The following RBFOX1 variants were observed in gnomAD, a reference collection of about 807,000 sequenced individuals.
RBFOX1 encodes the protein RNA binding protein fox-1 homolog 1.
RBFOX1 carries 8 observed loss-of-function variants against 57.7 expected under a neutral mutation model. That is an observed-to-expected ratio of 0.14 (90% confidence interval 0.08 to 0.25). The LOEUF (loss-of-function observed/expected upper bound fraction) is 0.25. Among genes scored for constraint, RBFOX1 ranks in the 10% least tolerant of loss-of-function variants. RBFOX1 has a pLI of 1.00. For missense variants in RBFOX1, 611 were observed against 548.5 expected, an observed-to-expected ratio of 1.11 and a Z score of -1.14; for synonymous variants, 326 against 222.4, an observed-to-expected ratio of 1.47 and a Z score of -4.15.
chr16:6,048,379 C>T (rs1407958810), intron 1 of RBFOX1, among the ~76,000 whole-genome samples: 1 of 152,288 alleles, frequency 6.6e-6, no homozygotes, highest in African/African-American at 2.4e-5. Flanking sequence ...CTTCAAGAAT[C>T]TCTCATAAAG....
At chr16:5,985,476 T>C (rs1404270659) in intron 4 of RBFOX1, among the ~76,000 whole-genome samples, 2 of 152,132 alleles carry the variant, frequency 1.3e-5, no homozygotes, top group Non-Finnish European at 2.9e-5. Context: ...AGTTAAGTGA[T>C]GGGCCCAAAG....
At chr16:6,551,052 G>A (rs555210366) in intron 2 of RBFOX1, among the ~76,000 whole-genome samples, 79 of 152,236 alleles carry the variant, frequency 5.2e-4, no homozygotes, top group South Asian at 1.9e-3. Context: ...TCTCTTGGGG[G>A]CCCCAGGAAT....
At chr16:7,155,463 G>T (rs1414973505) in intron 4 of RBFOX1, among the ~76,000 whole-genome samples, 2 of 151,484 alleles carry the variant, frequency 1.3e-5, no homozygotes, top group African/African-American at 2.4e-5. Context: ...AGGCATGGTG[G>T]TATGCACTTG....
chr16:7,063,171 C>G (rs2055013934), intron 4 of RBFOX1, among the ~76,000 whole-genome samples: 1 of 151,926 alleles, frequency 6.6e-6, no homozygotes. Flanking sequence ...GGGCTAGATG[C>G]TTACCTGAAT....
chr16:5,976,027 C>G (rs542114468), intron 4 of RBFOX1, among the ~76,000 whole-genome samples: 52 of 152,086 alleles, frequency 3.4e-4, no homozygotes, highest in African/African-American at 1.2e-3. Context: ...ACCTGTAGTC[C>G]TAGCCACTCA....
intron 4 of RBFOX1, among the ~76,000 whole-genome samples, chr16:7,420,294 C>T (rs565850502): frequency 6.6e-6 from 1 of 152,204 alleles, no homozygotes; most frequent in South Asian, 2.1e-4. Context: ...GCCCTTGCCT[C>T]CCAAACATGA....
intron 1 of RBFOX1, among the ~76,000 whole-genome samples, chr16:6,107,589 A>G (rs922267009): frequency 1.3e-4 from 20 of 152,036 alleles, no homozygotes; most frequent in Non-Finnish European, 2.8e-4. Flanking sequence ...GGATTAATAC[A>G]TGTATGGATG....
At chr16:6,305,164 A>G (rs1371081190) in intron 1 of RBFOX1, among the ~76,000 whole-genome samples, 1 of 152,196 alleles carries the variant, frequency 6.6e-6, no homozygotes, top group African/African-American at 2.4e-5. Context: ...AGTCATAAGC[A>G]TGTGATGTCT....
chr16:5,315,251 G>A (rs968962872), intron 1 of RBFOX1, among the ~76,000 whole-genome samples: 19 of 152,194 alleles, frequency 1.2e-4, no homozygotes, highest in Non-Finnish European at 2.8e-4. Context: ...TGTGGGACGG[G>A]GGAGGAGGCC....
At chr16:6,032,149 C>T (rs116902999) in intron 1 of RBFOX1, among the ~76,000 whole-genome samples, 1 of 152,058 alleles carries the variant, frequency 6.6e-6, no homozygotes, top group African/African-American at 2.4e-5. Flanking sequence ...TCCGTGCTTT[C>T]AATTCTGCTG....
chr16:7,401,996 T>G (rs971053262), intron 4 of RBFOX1, among the ~76,000 whole-genome samples: 1 of 152,228 alleles, frequency 6.6e-6, no homozygotes, highest in Non-Finnish European at 1.5e-5. Flanking sequence ...GATGTTCTTT[T>G]CCTTCCCTTT....
chr16:7,642,928 G>C (rs2063087623), intron 11 of RBFOX1, among the ~76,000 whole-genome samples: 1 of 152,158 alleles, frequency 6.6e-6, no homozygotes, highest in African/African-American at 2.4e-5. Context: ...CAAAAATCCT[G>C]CCCGGCGGGG....
chr16:7,233,696 T>C (rs965501911), intron 4 of RBFOX1, among the ~76,000 whole-genome samples: 1 of 152,218 alleles, frequency 6.6e-6, no homozygotes, highest in Non-Finnish European at 1.5e-5. Flanking sequence ...GGGGGCCCCA[T>C]GAACTTCCAA....
At chr16:6,994,744 A>T (rs927949063) in intron 3 of RBFOX1, among the ~76,000 whole-genome samples, 1 of 152,192 alleles carries the variant, frequency 6.6e-6, no homozygotes, top group Non-Finnish European at 1.5e-5. Context: ...CTTTTTCTGA[A>T]ATGTGTTATT....
chr16:5,758,101 C>G (rs988355411), intron 3 of RBFOX1, among the ~76,000 whole-genome samples: 1 of 152,164 alleles, frequency 6.6e-6, no homozygotes, highest in African/African-American at 2.4e-5. Flanking sequence ...GCTGACCACC[C>G]ATATGTGTGG....
chr16:7,434,502 A>T (rs1232316918), intron 4 of RBFOX1, among the ~76,000 whole-genome samples: 1 of 151,962 alleles, frequency 6.6e-6, no homozygotes, highest in East Asian at 1.9e-4. Flanking sequence ...AAAAATAAAA[A>T]TAAAAAAAAT....
intron 1 of RBFOX1, among the ~76,000 whole-genome samples, chr16:5,376,103 G>T (rs1035180716): frequency 1.3e-5 from 2 of 151,984 alleles, no homozygotes; most frequent in East Asian, 3.9e-4. Context: ...GGGAGGCAGA[G>T]GTTGCAGTGA....
At chr16:5,884,621 G>T (rs1456765945) in intron 4 of RBFOX1, among the ~76,000 whole-genome samples, 1 of 152,096 alleles carries the variant, frequency 6.6e-6, no homozygotes, top group Admixed American at 6.5e-5. Flanking sequence ...CTTTCCCGTG[G>T]ATTGCTCATC....
At chr16:6,094,949 A>G (rs1053469057) in intron 1 of RBFOX1, among the ~76,000 whole-genome samples, 3 of 152,060 alleles carry the variant, frequency 2.0e-5, no homozygotes, top group Non-Finnish European at 4.4e-5. Context: ...AGTCCCAGCT[A>G]CTCGAGAGGC....
Sources: gnomAD v4.1 joint callset for allele counts (sites outside exome capture counted in the v4.1 genomes callset) on GRCh38, gnomAD v4.1.1 for gene constraint, MANE v1.5 for transcripts, NCBI Gene and HGNC (gene_info 2026-07-23, HGNC 2026-07-21) for gene names.